Variants in KIAA0586 observed in about 807,000 individuals in gnomAD.
The protein encoded by KIAA0586 is protein TALPID3.
KIAA0586 carries 144 observed loss-of-function variants against 169.8 expected under a neutral mutation model. The observed-to-expected ratio is 0.85, with a 90% CI of 0.74 to 0.97. The LOEUF (loss-of-function observed/expected upper bound fraction) is 0.97, where lower values mean the gene tolerates loss of function less well. KIAA0586 is among the 50% of genes least tolerant of loss of function. The pLI is 0.00. For missense variants in KIAA0586, 1,854 were observed against 1,823.0 expected (o/e 1.02, Z -0.31); for synonymous variants, 625 against 612.4 (o/e 1.02, Z -0.30).
chr14:58,488,618 T>C lies in KIAA0586; in HGVS notation c.3528-3T>C. The C allele has an allele frequency of 6.2e-7, 1 of 1,613,212 alleles. No homozygotes were observed. Among genetic ancestry groups the C allele is most frequent in the Non-Finnish European group, 8.5e-7 (1 of 1,179,430 alleles). On this transcript the variant is annotated splice_region_variant and splice_polypyrimidine_tract_variant and intron_variant, in intron 23 of 30. Transcript: ENST00000652326. ...AGCTCCAAATATGTCTTTATTTTCT[T>C]AGTGTAATGTCTGTGGCTAAGGATG...
intron 4 of KIAA0586, among the ~76,000 whole-genome samples, chr14:58,437,969 G>A (rs1467389002): frequency 6.6e-6 from 1 of 152,150 alleles, no homozygotes; most frequent in Non-Finnish European, 1.5e-5. Context: ...GATGTAGGGG[G>A]TATGGTGTTA....
At chr14:58,505,609 C>A (rs1012901396) in intron 27 of KIAA0586, among the ~76,000 whole-genome samples, 54 of 152,140 alleles carry the variant, frequency 3.5e-4, no homozygotes, top group African/African-American at 1.3e-3. Flanking sequence ...TTCCTTACAT[C>A]CCCTCCTGAA....
chr14:58,532,766 A>T (rs2046060237), intron 29 of KIAA0586, among the ~76,000 whole-genome samples: 1 of 152,164 alleles, frequency 6.6e-6, no homozygotes, highest in South Asian at 2.1e-4. Context: ...ATAAATACAG[A>T]GGTCAAAATT....
intron 9 of KIAA0586, among the ~76,000 whole-genome samples, chr14:58,456,428 G>C (rs768000369): frequency 1.3e-5 from 2 of 152,148 alleles, no homozygotes; most frequent in African/African-American, 2.4e-5. Context: ...GCTTCTGGAT[G>C]TTAGCTTCTT....
In KIAA0586 at chr14:58,457,815, G is replaced by C; in HGVS notation, c.1419G>C (p.Lys473Asn). The change falls in exon 11 of 31, where the codon AAG becomes AAC. Residue 473 changes from lysine to asparagine, a missense_variant. Lys to Asn is a moderately conservative substitution (Grantham distance 94). Coordinates refer to ENST00000652326, the MANE Select transcript of KIAA0586 (RefSeq NM_001329943.3). Reference sequence around the variant, plus strand: ...CAGATCTTCCACAGAATTCTGTTAAGCTTCAAACAACCAATACAACAAGAT... The same window carrying C: ...CAGATCTTCCACAGAATTCTGTTAACCTTCAAACAACCAATACAACAAGAT... The part of the protein sequence containing the change: ...KLPDLPQNSV[K>N]LQTTNTTRSV... The C allele has an allele frequency of 1.2e-6, 2 of 1,608,072 alleles. No individual in the cohort carries two copies. The highest frequency in any genetic ancestry group is 1.7e-6 in the Non-Finnish European group (2 of 1,176,974).
Position 58,527,108 on chromosome 14 carries a change from A to G in KIAA0586, c.4430-12963A>G, listed in dbSNP as rs140645377. 3.1e-3 allele frequency among the ~76,000 whole-genome samples: 469 copies of G among 152,200 alleles called. 3 individuals are homozygous for G. Among genetic ancestry groups the G allele is most frequent in the African/African-American group, 0.011 (448 of 41,540 alleles). On this transcript the variant is annotated intron_variant, in intron 29 of 30. Coordinates refer to ENST00000652326, the MANE Select transcript of KIAA0586 (RefSeq NM_001329943.3). ...TCAAGCGGAAGAAAGGATATCAGAG[A>G]TTGAAGATCAACTTAAAGAAATAAA...
chr14:58,441,421 G>A lies in KIAA0586; in HGVS notation c.411-1285G>A, dbSNP rs373335152. ...TTGCCATGTTGCCCAGGCTGGTCTC[G>A]AACTCCTGGCCTTAAGCTGTCTGCC... On this transcript the variant is annotated intron_variant, in intron 4 of 30. Coordinates refer to ENST00000652326, the MANE Select transcript of KIAA0586 (RefSeq NM_001329943.3). 37 of 297,016 alleles carry A rather than the reference G, an allele frequency of 1.2e-4. No individual in the cohort carries two copies. The East Asian group carries it at 2.0e-3, about 16-fold the overall frequency. The allele number at this position is 297,016 out of a possible 1,614,324, so 18.4% of individuals were successfully genotyped here.
intron 26 of KIAA0586, among the ~76,000 whole-genome samples, chr14:58,494,249 GCTAA>G (rs2043012031): frequency 6.7e-6 from 1 of 149,848 alleles, no homozygotes; most frequent in Non-Finnish European, 1.5e-5. Context: ...AATCTGATCT[GCTAA>G]CTATTAATTT....
chr14:58,468,996 C>T (rs576196311), intron 16 of KIAA0586, among the ~76,000 whole-genome samples: 5 of 152,156 alleles, frequency 3.3e-5, no homozygotes, highest in South Asian at 2.1e-4. Flanking sequence ...CTGGAGCTGT[C>T]GGATGCCACC....
intron 4 of KIAA0586, among the ~76,000 whole-genome samples, chr14:58,437,935 T>C (rs2037974890): frequency 6.6e-6 from 1 of 152,172 alleles, no homozygotes; most frequent in Non-Finnish European, 1.5e-5. Context: ...AGCTTCTAAA[T>C]GCTGCTCAGA....
At chr14:58,485,706 A>G (rs575851638) in intron 21 of KIAA0586, among the ~76,000 whole-genome samples, 1 of 152,200 alleles carries the variant, frequency 6.6e-6, no homozygotes, top group Non-Finnish European at 1.5e-5. Flanking sequence ...ATGATTACCT[A>G]TTCAACAAAT....
chr14:58,547,737 T>C, intron 30 of KIAA0586, 44 bp from the exon 31 acceptor site: 2 of 1,242,744 alleles, frequency 1.6e-6, no homozygotes, highest in Non-Finnish European at 2.3e-6. Flanking sequence ...ACGTAAATAC[T>C]CAGGTTACGC....
intron 26 of KIAA0586, among the ~76,000 whole-genome samples, chr14:58,494,814 T>C (rs979861558): frequency 1.5e-4 from 23 of 152,154 alleles, no homozygotes; most frequent in African/African-American, 5.6e-4. Flanking sequence ...GTTGTCACCA[T>C]AGCTAGGCCT....
chr14:58,520,504 T>G (rs994191949), intron 29 of KIAA0586, among the ~76,000 whole-genome samples: 2 of 134,152 alleles, frequency 1.5e-5, no homozygotes, highest in African/African-American at 6.4e-5. Flanking sequence ...TTTAGTTTTT[T>G]GGGGTTTTGT....
At chr14:58,472,946 T>C (rs781257735) in intron 18 of KIAA0586, among the ~76,000 whole-genome samples, 2 of 142,200 alleles carry the variant, frequency 1.4e-5, no homozygotes, top group Non-Finnish European at 3.0e-5. Flanking sequence ...CTCACAGATA[T>C]GTCTTTTCTC....
At chr14:58,507,791 T>G (rs1747202971) in intron 27 of KIAA0586, among the ~76,000 whole-genome samples, 1 of 151,978 alleles carries the variant, frequency 6.6e-6, no homozygotes, top group Admixed American at 6.6e-5. Flanking sequence ...TATTTATTTA[T>G]TTATTTATTT....
At chr14:58,468,382 T>C (rs142615617) in intron 16 of KIAA0586, among the ~76,000 whole-genome samples, 31 of 152,330 alleles carry the variant, frequency 2.0e-4, no homozygotes, top group Non-Finnish European at 3.8e-4. Context: ...GTGATATTAA[T>C]ATGATGTTTC....
intron 12 of KIAA0586, among the ~76,000 whole-genome samples, chr14:58,459,278 A>C (rs988534989): frequency 6.6e-6 from 1 of 152,130 alleles, no homozygotes; most frequent in African/African-American, 2.4e-5. Flanking sequence ...TTTCTAATGA[A>C]GTTATGAAAA....
intron 30 of KIAA0586, 110 bp from the exon 31 acceptor site, chr14:58,547,671 A>C: frequency 1.0e-5 from 9 of 885,894 alleles, no homozygotes; most frequent in East Asian, 5.6e-5. Flanking sequence ...GGCAATCCTT[A>C]TTTGGAATCC....
Sources: gnomAD v4.1 joint callset for allele counts (sites outside exome capture counted in the v4.1 genomes callset) on GRCh38, gnomAD v4.1.1 for gene constraint, MANE v1.5 for transcripts, NCBI Gene and HGNC (gene_info 2026-07-23, HGNC 2026-07-21) for gene names.